Variants in USP34 observed in about 807,000 individuals in gnomAD.
USP34 encodes the protein ubiquitin specific peptidase 34.
USP34 carries 70 observed loss-of-function variants against 460.3 expected under a neutral mutation model. The observed-to-expected ratio is 0.15, with a 90% CI of 0.13 to 0.19. The LOEUF is 0.19. Among genes scored for constraint, USP34 ranks in the 10% least tolerant of loss-of-function variants. USP34 has a pLI of 1.00. For missense variants in USP34, 3,985 were observed against 4,236.2 expected (o/e 0.94, Z 1.65); for synonymous variants, 1,647 against 1,405.3 (o/e 1.17, Z -3.85).
intron 1 of USP34, among the ~76,000 whole-genome samples, chr2:61,455,421 A>C (rs1023501274): frequency 3.3e-5 from 5 of 150,870 alleles, no homozygotes; most frequent in Non-Finnish European, 7.4e-5. Flanking sequence ...CAGGCAATCC[A>C]CCAGCCTTGG....
At chr2:61,429,655 A>G (rs774090013) in intron 1 of USP34, among the ~76,000 whole-genome samples, 5 of 152,196 alleles carry the variant, frequency 3.3e-5, no homozygotes, top group Non-Finnish European at 7.4e-5. Context: ...AACATACGGA[A>G]TTCTATTCAG....
intron 27 of USP34, among the ~76,000 whole-genome samples, chr2:61,301,957 G>C (rs1408576808): frequency 6.6e-6 from 1 of 151,660 alleles, no homozygotes; most frequent in East Asian, 1.9e-4. Flanking sequence ...AAAAAGAGAG[G>C]GAAGGAAAGG....
At chr2:61,422,363 T>C (rs1694388301) in intron 1 of USP34, among the ~76,000 whole-genome samples, 1 of 152,152 alleles carries the variant, frequency 6.6e-6, no homozygotes, top group Non-Finnish European at 1.5e-5. Flanking sequence ...AAAAAAAGTT[T>C]GTGTGGCCAG....
chr2:61,468,398 G>C (rs904024987), intron 1 of USP34, among the ~76,000 whole-genome samples: 4 of 152,174 alleles, frequency 2.6e-5, no homozygotes, highest in East Asian at 1.9e-4. Flanking sequence ...AGTCAGGCTG[G>C]TCTTGAACTC....
At chr2:61,248,381 G>C in intron 49 of USP34, 130 bp downstream of exon 49, 1 of 872,392 alleles carries the variant, frequency 1.1e-6, no homozygotes, top group Non-Finnish European at 1.7e-6. Context: ...GCATGACATT[G>C]TCTTAACCTT....
chr2:61,266,692 A>C (rs563164496), intron 41 of USP34, among the ~76,000 whole-genome samples: 1 of 152,270 alleles, frequency 6.6e-6, no homozygotes, highest in South Asian at 2.1e-4. Flanking sequence ...TATTTTACCA[A>C]GTTATCACCC....
chr2:61,266,538 A>G (rs183433361), intron 41 of USP34, among the ~76,000 whole-genome samples: 84 of 152,348 alleles, frequency 5.5e-4, no homozygotes, highest in African/African-American at 1.9e-3. Flanking sequence ...AATAAATAAT[A>G]GCAACAATAA....
At position 61,399,874 on chromosome 2, in the gene USP34, C is replaced by CA. The variant is rs529141667; in HGVS notation, c.553-4642dup. Among the ~76,000 whole-genome samples the CA allele has an allele frequency of 5.7e-3, 397 of 69,910 alleles. 15 individuals carry two copies. The highest frequency in any genetic ancestry group is 0.012 in the East Asian group (24 of 1,992). 45.9% of individuals were successfully genotyped at this position (69,910 alleles called of 152,430 possible). The stretch of plus-strand genomic sequence containing the variant: ...GGCAACAGTGCGAGACACTGTCTCC[C>CA]AAAAAAAAAAAAAAAAAGCTGTATT... On this transcript the variant is annotated intron_variant, in intron 3 of 79. Coordinates refer to ENST00000398571, the MANE Select transcript of USP34 (RefSeq NM_014709.4).
intron 53 of USP34, among the ~76,000 whole-genome samples, chr2:61,239,306 A>ACTCACACT (rs1558484237): frequency 1.1e-5 from 1 of 87,616 alleles, no homozygotes; most frequent in Non-Finnish European, 2.5e-5. Flanking sequence ...CCTGTCACAC[A>ACTCACACT]CACACACACA....
At chr2:61,450,390 G>T (rs1199583404) in intron 1 of USP34, among the ~76,000 whole-genome samples, 2 of 152,110 alleles carry the variant, frequency 1.3e-5, no homozygotes, top group Non-Finnish European at 2.9e-5. Context: ...TGAATCAGTC[G>T]GGTGCCAGTA....
At chr2:61,197,551 A>T (rs899269955) in intron 75 of USP34, among the ~76,000 whole-genome samples, 1 of 152,186 alleles carries the variant, frequency 6.6e-6, no homozygotes, top group African/African-American at 2.4e-5. Flanking sequence ...TAGCATTTTC[A>T]TGATTTTCTT....
intron 57 of USP34, 52 bp downstream of exon 57, chr2:61,235,793 G>GGA: frequency 7.6e-7 from 1 of 1,313,802 alleles, no homozygotes; most frequent in African/African-American, 1.5e-5. Flanking sequence ...CAGAGGGGGG[G>GGA]AAAAAAAAAA....
intron 41 of USP34, among the ~76,000 whole-genome samples, chr2:61,270,216 C>T (rs185252908): frequency 2.6e-4 from 40 of 152,288 alleles, no homozygotes; most frequent in Admixed American, 1.0e-3. Context: ...CCCTTATCAA[C>T]GAAGCAGTAG....
In USP34 at chr2:61,281,987, GTTTT is replaced by G. The variant is rs540221432; in HGVS notation, c.4999-749_4999-746del. ...TGACATTATATCCAGAACTAATTTT[GTTTT>G]GTTTTGTTTTGTTTTTAAGACAGAG... On this transcript the variant is annotated intron_variant, in intron 37 of 79. Coordinates refer to ENST00000398571, the MANE Select transcript of USP34 (RefSeq NM_014709.4). 2.6e-5 allele frequency among the ~76,000 whole-genome samples: 4 copies of G among 152,144 alleles called. No individual in the cohort carries two copies. In the South Asian group the frequency reaches 8.3e-4, roughly 32 times the overall value.
chr2:61,414,843 C>G (rs978309151), intron 2 of USP34, among the ~76,000 whole-genome samples: 17 of 152,104 alleles, frequency 1.1e-4, no homozygotes, highest in African/African-American at 4.8e-5. Flanking sequence ...CATGATCAGT[C>G]TGAAGTTACA....
chr2:61,206,258 G>A lies in USP34; in HGVS notation c.9047-134C>T, dbSNP rs537416530. The A allele has an allele frequency of 7.1e-6, 5 of 700,192 alleles. No individual in the cohort carries two copies. In the East Asian group the frequency reaches 1.1e-4, roughly 15 times the overall value. 43.4% of individuals were successfully genotyped at this position (700,192 alleles called of 1,614,324 possible). On this transcript the variant is annotated intron_variant, in intron 71 of 79. Coordinates refer to ENST00000398571, the MANE Select transcript of USP34 (RefSeq NM_014709.4). ...CAAAAACATCTTCAGTGAAAGCTAA[G>A]TCATTTTCATGAGATGATTACTACT...
At chr2:61,298,403 T>C (rs1417895275) in intron 29 of USP34, among the ~76,000 whole-genome samples, 3 of 142,670 alleles carry the variant, frequency 2.1e-5, no homozygotes, top group Admixed American at 7.1e-5. Flanking sequence ...CTGGGCGTGG[T>C]GGCGTGCGCC....
chr2:61,214,827 G>T (rs1687354795), intron 67 of USP34, 133 bp from the exon 68 acceptor site: 1 of 1,036,156 alleles, frequency 9.7e-7, no homozygotes, highest in Non-Finnish European at 1.3e-6. Flanking sequence ...ATCTCTTTTA[G>T]TATCTTTCTG....
At chr2:61,259,066 C>T (rs183941114) in intron 44 of USP34, among the ~76,000 whole-genome samples, 1 of 152,078 alleles carries the variant, frequency 6.6e-6, no homozygotes, top group African/African-American at 2.4e-5. Flanking sequence ...TCGAGACCAG[C>T]CTGGCCAACA....
Sources: gnomAD v4.1 joint callset for allele counts (sites outside exome capture counted in the v4.1 genomes callset) on GRCh38, gnomAD v4.1.1 for gene constraint, MANE v1.5 for transcripts, NCBI Gene and HGNC (gene_info 2026-07-23, HGNC 2026-07-21) for gene names.